Variants in TGFBR3 observed in about 807,000 individuals in gnomAD.
TGFBR3 encodes the protein transforming growth factor beta receptor 3.
Under a neutral mutation model 87.9 loss-of-function variants are expected in TGFBR3, and 46 were observed. The observed-to-expected ratio is 0.52, with a 90% CI of 0.41 to 0.67. The LOEUF is 0.67. Ranked by LOEUF, TGFBR3 falls within the 30% of genes least tolerant of loss-of-function variation. The probability of loss-of-function intolerance (pLI) is 0.00; values close to 1 mark genes in which losing one functional copy is unlikely to be tolerated. For missense variants in TGFBR3, 866 were observed against 1,041.9 expected (o/e 0.83, Z 2.32); for synonymous variants, 381 against 391.6 (o/e 0.97, Z 0.32).
At chr1:91,854,157 T>C (rs1017207835) in intron 2 of TGFBR3, among the ~76,000 whole-genome samples, 1 of 152,190 alleles carries the variant, frequency 6.6e-6, no homozygotes, top group South Asian at 2.1e-4. Flanking sequence ...AGAGATTGAC[T>C]GTACACCATG....
At position 91,874,214 on chromosome 1, in the gene TGFBR3, G is replaced by A. The variant is rs146493981; in HGVS notation, c.-114+11664C>T. 1.6e-3 allele frequency among the ~76,000 whole-genome samples: 251 copies of A among 152,298 alleles called. 4 individuals are homozygous for A. Among genetic ancestry groups the A allele is most frequent in the African/African-American group, 5.7e-3 (235 of 41,564 alleles). On this transcript the variant is annotated intron_variant, in intron 1 of 16. Coordinates refer to ENST00000212355, the MANE Select transcript of TGFBR3 (RefSeq NM_003243.5). ...AGTATGTGTGTGGGGTTTTGGTTTG[G>A]TTTGTCTGTTTTGAGTAAGGACCTA...
chr1:91,811,369 T>C (rs956310419), intron 2 of TGFBR3, among the ~76,000 whole-genome samples: 11 of 152,216 alleles, frequency 7.2e-5, no homozygotes, highest in African/African-American at 2.2e-4. Flanking sequence ...AGAAAATACT[T>C]TTCCAAGGTC....
chr1:91,836,321 T>A (rs1677064148), intron 2 of TGFBR3, among the ~76,000 whole-genome samples: 1 of 152,112 alleles, frequency 6.6e-6, no homozygotes, highest in Admixed American at 6.6e-5. Flanking sequence ...AACTTAACAA[T>A]TGCTAACTAA....
At chr1:91,760,904 G>C (rs1348705136) in intron 3 of TGFBR3, among the ~76,000 whole-genome samples, 3 of 152,212 alleles carry the variant, frequency 2.0e-5, no homozygotes, top group African/African-American at 7.2e-5. Flanking sequence ...ACACTATGGA[G>C]AATGAAGGAG....
intron 2 of TGFBR3, among the ~76,000 whole-genome samples, chr1:91,818,324 GAA>G (rs1205846660): frequency 7.9e-6 from 1 of 125,966 alleles, no homozygotes; most frequent in African/African-American, 3.1e-5. Context: ...TTTTTTTTAG[GAA>G]AGTTTAGGAC....
At chr1:91,790,624 T>C (rs533469973) in intron 3 of TGFBR3, among the ~76,000 whole-genome samples, 4 of 152,360 alleles carry the variant, frequency 2.6e-5, no homozygotes, top group African/African-American at 2.4e-5. Context: ...TTCACTGATA[T>C]ACAGTGTCTG....
intron 8 of TGFBR3, among the ~76,000 whole-genome samples, chr1:91,721,146 C>T (rs1229484650): frequency 6.6e-6 from 1 of 152,162 alleles, no homozygotes; most frequent in Non-Finnish European, 1.5e-5. Flanking sequence ...GACATTATCT[C>T]TCCTTTAATA....
At chr1:91,738,412 C>G (rs924966138) in intron 4 of TGFBR3, among the ~76,000 whole-genome samples, 2 of 152,128 alleles carry the variant, frequency 1.3e-5, no homozygotes, top group Admixed American at 6.5e-5. Context: ...GGGGGCAGAT[C>G]CCCCCATGAA....
intron 3 of TGFBR3, among the ~76,000 whole-genome samples, chr1:91,782,809 C>T (rs966763646): frequency 6.6e-6 from 1 of 152,158 alleles, no homozygotes; most frequent in African/African-American, 2.4e-5. Context: ...CCCCAAGGCA[C>T]CTCGGTATGT....
In TGFBR3 at chr1:91,726,219, C is replaced by T. The variant is rs17884981; in HGVS notation, c.885+1440G>A. On this transcript the variant is annotated intron_variant, in intron 7 of 16. Coordinates refer to ENST00000212355, the MANE Select transcript of TGFBR3 (RefSeq NM_003243.5). ...CACACATACTCAGGGAAAGAGCCAT[C>T]GAAGGGTCAAGGCTGAAAGAATATT... Among the ~76,000 whole-genome samples the T allele has an allele frequency of 4.5e-3, 681 of 152,176 alleles. 4 individuals are homozygous for T. Among genetic ancestry groups the T allele is most frequent in the Admixed American group, 9.9e-3 (151 of 15,284 alleles).
At chr1:91,789,769 G>A (rs112525014) in intron 3 of TGFBR3, among the ~76,000 whole-genome samples, 83 of 152,282 alleles carry the variant, frequency 5.5e-4, no homozygotes, top group African/African-American at 1.8e-3. Context: ...ACCAGTGCCA[G>A]CTCTCGCTTG....
At chr1:91,793,862 C>T (rs2100997445) in intron 3 of TGFBR3, among the ~76,000 whole-genome samples, 1 of 151,554 alleles carries the variant, frequency 6.6e-6, no homozygotes, top group Admixed American at 6.6e-5. Context: ...TGCCTCTGGC[C>T]CTCCTACTAT....
At chr1:91,867,523 T>G (rs1678433064) in intron 1 of TGFBR3, among the ~76,000 whole-genome samples, 1 of 152,094 alleles carries the variant, frequency 6.6e-6, no homozygotes, top group South Asian at 2.1e-4. Context: ...ACAACACACC[T>G]CACTCCCAAG....
intron 4 of TGFBR3, among the ~76,000 whole-genome samples, chr1:91,755,668 C>A (rs1170479768): frequency 6.6e-6 from 1 of 152,142 alleles, no homozygotes; most frequent in East Asian, 1.9e-4. Context: ...AGTGTCTAAA[C>A]TGATGACCAA....
chr1:91,877,320 C>CT (rs922936885), intron 1 of TGFBR3, among the ~76,000 whole-genome samples: 32 of 151,786 alleles, frequency 2.1e-4, no homozygotes, highest in African/African-American at 4.6e-4. Context: ...TTCATATTTT[C>CT]TTTTTTTGTG....
intron 15 of TGFBR3, 120 bp downstream of exon 15, chr1:91,697,969 G>A (rs189442133): frequency 1.0e-5 from 9 of 903,916 alleles, no homozygotes; most frequent in Non-Finnish European, 1.7e-5. Flanking sequence ...GAAGGGGGAA[G>A]GGGGAATGAG....
chr1:91,680,361 C>T lies in TGFBR3; in HGVS notation c.*3378G>A, dbSNP rs954966881. The T allele has an allele frequency of 4.6e-5, 20 of 437,206 alleles. No individual in the cohort carries two copies. The highest frequency in any genetic ancestry group is 8.1e-5 in the Non-Finnish European group (18 of 221,406). 27.1% of individuals were successfully genotyped at this position (437,206 alleles called of 1,614,324 possible). On this transcript the variant is annotated 3_prime_UTR_variant, in exon 17 of 17. Transcript: ENST00000212355. Reference sequence around the variant, plus strand: ...ACACATATTAATAACTGATATATATCTTTTTATTATGCACAGATAAAAGAT... The same window carrying T: ...ACACATATTAATAACTGATATATATTTTTTTATTATGCACAGATAAAAGAT...
At chr1:91,698,244 A>G (rs1254324148) in intron 14 of TGFBR3, 114 bp from the exon 15 acceptor site, 6 of 897,040 alleles carry the variant, frequency 6.7e-6, no homozygotes, top group Non-Finnish European at 1.1e-5. Flanking sequence ...AAATACTGTG[A>G]GAAAGCTCTG....
chr1:91,801,981 A>G (rs1184598530), intron 2 of TGFBR3, among the ~76,000 whole-genome samples: 1 of 152,234 alleles, frequency 6.6e-6, no homozygotes, highest in Non-Finnish European at 1.5e-5. Flanking sequence ...GGAGGGGACA[A>G]AAAGTCCCTG....
Sources: allele counts gnomAD v4.1 joint callset (sites outside exome capture counted in the v4.1 genomes callset), GRCh38; gene constraint gnomAD v4.1.1; transcripts MANE v1.5; gene names NCBI Gene and HGNC (gene_info 2026-07-23, HGNC 2026-07-21).